The following PCM1 variants were observed in gnomAD, a reference collection of about 807,000 sequenced individuals.
PCM1 encodes the protein pericentriolar material 1 protein.
In PCM1, 157 loss-of-function variants were observed where a neutral mutation model predicts 241.9. The ratio of observed to expected loss-of-function variants is 0.65; its 90% CI spans 0.57 to 0.74. The LOEUF is 0.74. Ranked by LOEUF, PCM1 falls within the 30% of genes least tolerant of loss-of-function variation. The pLI is 0.00. For synonymous variants in PCM1, 1,085 were observed against 784.9 expected (o/e 1.38, Z -6.39); for missense variants, 3,478 against 2,360.1 (o/e 1.47, Z -9.81).
chr8:17,988,160 A>G (rs555787713), intron 26 of PCM1, among the ~76,000 whole-genome samples: 26 of 151,956 alleles, frequency 1.7e-4, no homozygotes, highest in Non-Finnish European at 3.5e-4. Flanking sequence ...GTAAAAGCAC[A>G]TCTGTCTTGA....
rs946997578 is a variant in PCM1, at chr8:17,957,339, T to C, written c.1722T>C (p.Asp574=). ...SNAQCVSNNR[D]GRTVNSNCEI... The stretch of plus-strand genomic sequence containing the variant: ...CACAGTGTGTTTCTAATAATAGAGA[T>C]GGGCGAACAGTTAATTCTAATTGTG... Residue 574 remains aspartate (D), a synonymous_variant, in exon 12 of 39, where the codon GAT becomes GAC. Transcript: ENST00000325083. 2 of 1,611,672 alleles carry C rather than the reference T, an allele frequency of 1.2e-6. No individual in the cohort carries two copies. Among genetic ancestry groups the C allele is most frequent in the Non-Finnish European group, 1.7e-6 (2 of 1,178,164 alleles).
chr8:17,930,845 A>G (rs1010416836), intron 2 of PCM1, among the ~76,000 whole-genome samples: 3 of 151,386 alleles, frequency 2.0e-5, no homozygotes. Context: ...GCGCCACTGC[A>G]CTCCAGCCTG....
chr8:18,025,450 A>C lies in PCM1; in HGVS notation c.5931A>C (p.Ser1977=). The C allele has an allele frequency of 6.4e-7, 1 of 1,568,204 alleles. No homozygotes were observed. The change falls in exon 37 of 39, where the codon TCA becomes TCC. Residue 1977 remains serine (S), a synonymous_variant. Coordinates refer to ENST00000325083, the MANE Select transcript of PCM1 (RefSeq NM_006197.4). ...EDLPLKLTIY[S]EADLRKKMVE... The stretch of plus-strand genomic sequence containing the variant: ...TACCACTGAAACTGACAATATATTC[A>C]GAGGTATTTAGCTGTCTTTAATTAA...
intron 28 of PCM1, among the ~76,000 whole-genome samples, chr8:17,992,610 C>CTTTTTTT (rs71545503): frequency 5.5e-5 from 7 of 128,428 alleles, no homozygotes; most frequent in Admixed American, 1.6e-4. Flanking sequence ...ACTACTACTA[C>CTTTTTTT]TTTTTTTTTT....
At chr8:17,986,178 C>G (rs990537104) in intron 26 of PCM1, 91 bp downstream of exon 26, 2 of 874,912 alleles carry the variant, frequency 2.3e-6, no homozygotes, top group Non-Finnish European at 3.3e-6. Flanking sequence ...GTAGGTAGAC[C>G]TAATATATTT....
intron 10 of PCM1, 55 bp downstream of exon 10, chr8:17,955,708 G>GTT (rs75667844): frequency 8.6e-4 from 923 of 1,068,050 alleles, no homozygotes; most frequent in Non-Finnish European, 1.1e-3. Flanking sequence ...GATAAATTCT[G>GTT]TTTTTTTTTT....
In PCM1 at chr8:18,001,948, A is replaced by C. The variant is rs375326959; in HGVS notation, c.4828-4315A>C. 2.1e-3 allele frequency among the ~76,000 whole-genome samples: 275 copies of C among 131,560 alleles called. 2 individuals carry two copies. Among genetic ancestry groups the C allele is most frequent in the African/African-American group, 7.0e-3 (260 of 37,386 alleles). 86.3% of individuals were successfully genotyped at this position (131,560 alleles called of 152,430 possible). A position where few individuals can be genotyped will look rare whatever the true frequency, so the allele number is the denominator to read the frequency against. Reference sequence around the variant, plus strand: ...TAGCCTTGTTCTGGGCAATTGCAACAGTTCCTAAATGGCCTTACTATCCTT... The same window carrying C: ...TAGCCTTGTTCTGGGCAATTGCAACCGTTCCTAAATGGCCTTACTATCCTT... On this transcript the variant is annotated intron_variant, in intron 29 of 38. Coordinates refer to ENST00000325083, the MANE Select transcript of PCM1 (RefSeq NM_006197.4).
intron 2 of PCM1, chr8:17,927,140 T>G (rs1216924968): frequency 6.6e-6 from 1 of 151,082 alleles, no homozygotes; most frequent in Non-Finnish European, 1.5e-5. Flanking sequence ...TTTTTTTTTT[T>G]TTTGGAGACA....
intron 6 of PCM1, among the ~76,000 whole-genome samples, chr8:17,944,322 A>C (rs2063117834): frequency 6.6e-6 from 1 of 152,126 alleles, no homozygotes. Flanking sequence ...TAACTGTGAC[A>C]CTGGATAAGT....
In PCM1 at chr8:17,957,761, G is replaced by C. The variant is rs1359700029; in HGVS notation, c.2026G>C (p.Val676Leu). The C allele has an allele frequency of 1.9e-6, 3 of 1,610,454 alleles. No homozygotes were observed. Among genetic ancestry groups the C allele is most frequent in the African/African-American group, 1.3e-5 (1 of 74,868 alleles). The change falls in exon 13 of 39, where the codon GTT becomes CTT. Residue 676 changes from valine (V) to leucine (L), a missense_variant. Val to Leu is a conservative substitution (Grantham distance 32, BLOSUM62 1). Transcript: ENST00000325083. ...GAAACTTAGACAGTTACAAGATCTT[G>C]TTGCTATGGTACAGGTAAATATTGC... ...KQKLRQLQDLVAMVQDDDAAQ... is the reference protein window; with the variant it reads ...KQKLRQLQDLLAMVQDDDAAQ...
chr8:17,986,056 C>T lies in PCM1; in HGVS notation c.4379C>T (p.Thr1460Ile). ...TGGATAGCATCAAACTCAGAACTTACTCCTAGTGAGAGCCTTGCTACTACT... is the reference window on the plus strand; with the variant it reads ...TGGATAGCATCAAACTCAGAACTTATTCCTAGTGAGAGCCTTGCTACTACT... Reference protein sequence around the residue: ...GTWIASNSELTPSESLATTDD... With the variant: ...GTWIASNSELIPSESLATTDD... Residue 1460 changes from threonine (T) to isoleucine (I), a missense_variant, in exon 26 of 39, where the codon ACT becomes ATT. Thr to Ile is a moderately conservative substitution (Grantham distance 89). Transcript: ENST00000325083. 1.9e-6 allele frequency: 3 copies of T among 1,598,184 alleles called. No homozygotes were observed. The highest frequency in any genetic ancestry group is 1.7e-6 in the Non-Finnish European group (2 of 1,171,352).
chr8:17,977,551 TCCATGA>T (rs2079191310), intron 23 of PCM1, among the ~76,000 whole-genome samples: 7 of 152,204 alleles, frequency 4.6e-5, no homozygotes, highest in Non-Finnish European at 1.0e-4. Flanking sequence ...TGGTCAGATC[TCCATGA>T]TTCTTGGAGA....
intron 9 of PCM1, 49 bp from the exon 10 acceptor site, chr8:17,955,421 A>G (rs373479344): frequency 9.0e-5 from 121 of 1,341,736 alleles, no homozygotes; most frequent in Non-Finnish European, 1.1e-4. Context: ...GTGTTTGTTT[A>G]TGGTAACTGG....
chr8:17,935,941 A>G (rs1367336347), intron 3 of PCM1, among the ~76,000 whole-genome samples: 1 of 152,200 alleles, frequency 6.6e-6, no homozygotes, highest in African/African-American at 2.4e-5. Flanking sequence ...TATGGAAACC[A>G]TGTTTAAGAC....
At chr8:18,018,870 A>ATGTGTG (rs1401614396) in intron 36 of PCM1, among the ~76,000 whole-genome samples, 6 of 66,894 alleles carry the variant, frequency 9.0e-5, no homozygotes, top group Non-Finnish European at 2.0e-4. Context: ...ATATATATAT[A>ATGTGTG]TATATATATA....
rs199860540 is a variant in PCM1, at chr8:17,993,491, G to A, written c.4699G>A (p.Val1567Ile). 9.0e-6 allele frequency: 14 copies of A among 1,561,388 alleles called. No homozygotes were observed. The highest frequency in any genetic ancestry group is 4.6e-5 in the East Asian group (2 of 43,208). Residue 1567 changes from valine to isoleucine, a missense_variant, in exon 29 of 39, where the codon GTT (valine) becomes ATT (isoleucine). Transcript: ENST00000325083. ...TTCTTTTTAAAAATTAGAAACTCCC[G>A]TTATTGAAAATCGTAGTTCACAACA... ...TTVNNLEETP[V>I]IENRSSQQPV...
At chr8:17,976,504 G>A (rs1000492053) in intron 23 of PCM1, among the ~76,000 whole-genome samples, 1 of 152,172 alleles carries the variant, frequency 6.6e-6, no homozygotes, top group Non-Finnish European at 1.5e-5. Flanking sequence ...AGTGGAAAAC[G>A]TCCATCCATA....
chr8:17,942,614 G>A (rs1166977745), intron 6 of PCM1, among the ~76,000 whole-genome samples: 1 of 152,012 alleles, frequency 6.6e-6, no homozygotes. Context: ...TTTTTCTGCA[G>A]TGTTTAATTG....
At chr8:18,005,557 C>G (rs1489172041) in intron 29 of PCM1, among the ~76,000 whole-genome samples, 1 of 152,026 alleles carries the variant, frequency 6.6e-6, no homozygotes, top group African/African-American at 2.4e-5. Flanking sequence ...CTTGAGATTA[C>G]TTGATATCGA....
Sources: gnomAD v4.1 joint callset for allele counts (sites outside exome capture counted in the v4.1 genomes callset) on GRCh38, gnomAD v4.1.1 for gene constraint, MANE v1.5 for transcripts, NCBI Gene and HGNC (gene_info 2026-07-23, HGNC 2026-07-21) for gene names.